PTCHD1: variants seen among roughly 807,000 people sequenced by gnomAD.
The protein encoded by PTCHD1 is patched domain-containing protein 1.
A neutral mutation model predicts 34.6 loss-of-function variants in PTCHD1; 3 were observed. That is an observed-to-expected ratio of 0.09 (90% CI 0.04 to 0.22). PTCHD1 has a LOEUF of 0.22. Ranked by LOEUF, PTCHD1 falls within the 10% of genes least tolerant of loss-of-function variation. The probability of loss-of-function intolerance (pLI) is 1.00; values close to 1 mark genes in which losing one functional copy is unlikely to be tolerated. For missense variants in PTCHD1, 504 were observed against 685.5 expected (o/e 0.74, Z 2.96); for synonymous variants, 305 against 283.1 (o/e 1.08, Z -0.77).
At chrX:23,380,864 A>G (rs1273734426) in intron 2 of PTCHD1, among the ~76,000 whole-genome samples, 1 of 111,260 alleles carries the variant, frequency 9.0e-6, no homozygotes. Context: ...TCCCCAGGCC[A>G]GTTAACTGCC....
chrX:23,372,621 G>T (rs1305163334), intron 1 of PTCHD1, among the ~76,000 whole-genome samples: 5 of 111,402 alleles, frequency 4.5e-5, no homozygotes, highest in Non-Finnish European at 9.4e-5. Context: ...TGTTTTTCCT[G>T]TTCCTGGCAT....
rs1461250405 is a variant in PTCHD1 at position 23,401,432 on chromosome X, T to C, written c.*7247T>C. ...CACTGATCCAGAATCACCAAGGCAG[T>C]TGCCACGATGCCTCCCAGGACTGTG... On this transcript the variant is annotated 3_prime_UTR_variant, in exon 3 of 3. Coordinates refer to ENST00000379361, the MANE Select transcript of PTCHD1 (RefSeq NM_173495.3). The C allele has an allele frequency of 8.9e-6, 1 of 112,678 alleles. No individual in the cohort carries two copies. The highest frequency in any genetic ancestry group is 9.4e-5 in the Admixed American group (1 of 10,687). The allele number at this position is 112,678 out of a possible 1,213,427, so 9.3% of individuals were successfully genotyped here. A position where few individuals can be genotyped will look rare whatever the true frequency, so the allele number is the denominator to read the frequency against.
chrX:23,339,063 G>A (rs916843790), intron 1 of PTCHD1, among the ~76,000 whole-genome samples: 8 of 111,682 alleles, frequency 7.2e-5, no homozygotes, highest in African/African-American at 2.6e-4. Context: ...CATTGGCAGG[G>A]TCCAGGTTGA....
chrX:23,366,133 A>C (rs2146630852), intron 1 of PTCHD1, among the ~76,000 whole-genome samples: 1 of 111,796 alleles, frequency 8.9e-6, no homozygotes, highest in South Asian at 3.8e-4. Context: ...AAAGGCATAA[A>C]CCTTCTGTCT....
chrX:23,390,077 GATA>G (rs1922790266), intron 2 of PTCHD1, among the ~76,000 whole-genome samples: 1 of 111,930 alleles, frequency 8.9e-6, no homozygotes, highest in Non-Finnish European at 1.9e-5. Context: ...ATCAGGGTCA[GATA>G]ATGTCATTAT....
Position 23,380,191 on chromosome X carries a change from A to G in PTCHD1, c.952A>G (p.Ile318Val). 1 of 1,211,336 alleles carries G rather than the reference A, an allele frequency of 8.3e-7. No homozygotes were observed. The highest frequency in any genetic ancestry group is 1.1e-6 in the Non-Finnish European group (1 of 895,345). Residue 318 changes from isoleucine (I) to valine (V), a missense_variant, in exon 2 of 3, where the codon ATC becomes GTC. Ile to Val is a conservative substitution (Grantham distance 29). Coordinates refer to ENST00000379361, the MANE Select transcript of PTCHD1 (RefSeq NM_173495.3). Reference protein sequence around the residue: ...SLATLTAAGIINLTGGKYNST... With the variant: ...SLATLTAAGIVNLTGGKYNST... ...GGCCACTCTCACTGCAGCCGGGATC[A>G]TCAATCTTACTGGTGGGAAATATAA...
chrX:23,380,320 G>A (rs1446991029), intron 2 of PTCHD1, 69 bp downstream of exon 2: 2 of 994,267 alleles, frequency 2.0e-6, no homozygotes, highest in East Asian at 3.0e-5. Flanking sequence ...AAAAGGCCAG[G>A]AGTAGCCTTC....
In PTCHD1 at chrX:23,401,538, T is replaced by C. The variant is rs1396633042; in HGVS notation, c.*7353T>C. 1 of 112,643 alleles carries C rather than the reference T, an allele frequency of 8.9e-6. No individual in the cohort carries two copies. The highest frequency in any genetic ancestry group is 1.9e-5 in the Non-Finnish European group (1 of 53,333). 9.3% of individuals were successfully genotyped at this position (112,643 alleles called of 1,213,427 possible). On this transcript the variant is annotated 3_prime_UTR_variant, in exon 3 of 3. Coordinates refer to ENST00000379361, the MANE Select transcript of PTCHD1 (RefSeq NM_173495.3). ...ACATTGACACACATAAATGTACACA[T>C]GCATATATGTGTGTACAACACAACT...
rs764313314 is a variant in PTCHD1 at position 23,379,587 on chromosome X, A to C, written c.352-4A>C. ...ATAAATGCTGTCATTTTTTTCCCCC[A>C]CAGTTGCATGCTGCTGTCACCAAGA... On this transcript the variant is annotated splice_region_variant and splice_polypyrimidine_tract_variant and intron_variant, in intron 1 of 2. Transcript: ENST00000379361. 3.3e-6 allele frequency: 4 copies of C among 1,209,655 alleles called. No homozygotes were observed. Among genetic ancestry groups the C allele is most frequent in the Admixed American group, 2.2e-5 (1 of 45,751 alleles).
chrX:23,345,433 G>C (rs1047009710), intron 1 of PTCHD1, among the ~76,000 whole-genome samples: 1 of 112,309 alleles, frequency 8.9e-6, no homozygotes, highest in East Asian at 2.8e-4. Context: ...CACATTTTGA[G>C]TAGAGCAGTA....
At chrX:23,363,731 A>C (rs988685846) in intron 1 of PTCHD1, among the ~76,000 whole-genome samples, 4 of 112,624 alleles carry the variant, frequency 3.6e-5, no homozygotes, top group African/African-American at 1.3e-4. Context: ...TCTGTCTTCT[A>C]CGTCGATCAC....
intron 1 of PTCHD1, among the ~76,000 whole-genome samples, chrX:23,342,641 CAG>C (rs932823896): frequency 1.8e-5 from 2 of 110,917 alleles, no homozygotes; most frequent in African/African-American, 6.5e-5. Flanking sequence ...TGACTCCAAA[CAG>C]GGCCTAGACA....
chrX:23,367,742 G>C (rs1017351273), intron 1 of PTCHD1, among the ~76,000 whole-genome samples: 18 of 111,456 alleles, frequency 1.6e-4, no homozygotes, highest in African/African-American at 5.9e-4. Flanking sequence ...TATTTTCCTG[G>C]AGACCTTTAT....
intron 2 of PTCHD1, among the ~76,000 whole-genome samples, chrX:23,389,909 C>T (rs996253350): frequency 1.5e-4 from 17 of 112,205 alleles, no homozygotes; most frequent in Non-Finnish European, 2.8e-4. Context: ...TAACAGCCTA[C>T]TTCCACCTTT....
At chrX:23,364,489 G>C (rs1163276827) in intron 1 of PTCHD1, among the ~76,000 whole-genome samples, 1 of 109,578 alleles carries the variant, frequency 9.1e-6, no homozygotes, top group African/African-American at 3.3e-5. Context: ...TCCAACAATG[G>C]TGAGTACCAA....
intron 2 of PTCHD1, among the ~76,000 whole-genome samples, chrX:23,382,045 G>C (rs767280101): frequency 1.6e-4 from 18 of 111,415 alleles, no homozygotes; most frequent in Non-Finnish European, 3.0e-4. Context: ...TGCTGCTTTT[G>C]TGGGAGGAAG....
chrX:23,353,262 C>T (rs1921694202), intron 1 of PTCHD1, among the ~76,000 whole-genome samples: 1 of 112,595 alleles, frequency 8.9e-6, no homozygotes, highest in Admixed American at 9.4e-5. Context: ...TAATTTGCGA[C>T]TTCTCATGAG....
At chrX:23,371,379 TG>T (rs1922274281) in intron 1 of PTCHD1, among the ~76,000 whole-genome samples, 1 of 111,328 alleles carries the variant, frequency 9.0e-6, no homozygotes, top group Non-Finnish European at 1.9e-5. Context: ...ATGGAGGCAT[TG>T]TCAAGCCAGC....
chrX:23,394,120 A>G lies in PTCHD1; in HGVS notation c.2602A>G (p.Ile868Val). 1 of 1,210,617 alleles carries G rather than the reference A, an allele frequency of 8.3e-7. No homozygotes were observed. ...EKKNPENREE[I>V]ECVEMVDIDS... ...GAAAAATCCTGAGAACCGGGAGGAA[A>G]TTGAGTGTGTAGAAATGGTAGATAT... Residue 868 changes from isoleucine (I) to valine (V), a missense_variant, in exon 3 of 3, where the codon ATT becomes GTT. By Grantham distance (29) the Ile-to-Val change is conservative. Transcript: ENST00000379361.
Sources: gnomAD v4.1 joint callset for allele counts (sites outside exome capture counted in the v4.1 genomes callset) on GRCh38, gnomAD v4.1.1 for gene constraint, MANE v1.5 for transcripts, NCBI Gene and HGNC (gene_info 2026-07-23, HGNC 2026-07-21) for gene names.